SLC4A7: variants seen among roughly 807,000 people sequenced by gnomAD.
SLC4A7 encodes sodium bicarbonate cotransporter 3.
SLC4A7 carries 51 observed loss-of-function variants against 137.6 expected under a neutral mutation model. The ratio of observed to expected loss-of-function variants is 0.37; its 90% confidence interval spans 0.30 to 0.47. The LOEUF (loss-of-function observed/expected upper bound fraction) is 0.47, where lower values mean the gene tolerates loss of function less well. SLC4A7 is among the 20% of genes least tolerant of loss of function. The pLI is 1.00. For synonymous variants in SLC4A7, 542 were observed against 518.6 expected (o/e 1.05, Z -0.61); for missense variants, 1,247 against 1,525.4 (o/e 0.82, Z 3.04).
At chr3:27,428,997 G>T (rs969669221) in intron 7 of SLC4A7, among the ~76,000 whole-genome samples, 14 of 152,144 alleles carry the variant, frequency 9.2e-5, no homozygotes, top group African/African-American at 3.4e-4. Flanking sequence ...GCTGGGCATG[G>T]TGGCTCACAC....
At chr3:27,477,210 A>T (rs1194690932) in intron 1 of SLC4A7, among the ~76,000 whole-genome samples, 1 of 152,252 alleles carries the variant, frequency 6.6e-6, no homozygotes, top group African/African-American at 2.4e-5. Flanking sequence ...ACTGGGCAGG[A>T]GAAATGTCAT....
Position 27,402,285 on chromosome 3 carries a change from C to T in SLC4A7, c.2321+854G>A, listed in dbSNP as rs927248897. Among the ~76,000 whole-genome samples, 9 of 152,266 alleles carry T rather than the reference C, an allele frequency of 5.9e-5. No homozygotes were observed. The East Asian group carries it at 1.5e-3, about 26-fold the overall frequency. ...AATATACTTGCCAAACTTTTGTAACCACTACACATTCCTTTTCAAATCCTA... is the reference window on the plus strand; with the variant it reads ...AATATACTTGCCAAACTTTTGTAACTACTACACATTCCTTTTCAAATCCTA... On this transcript the variant is annotated intron_variant, in intron 15 of 25. Coordinates refer to ENST00000454389, the MANE Select transcript of SLC4A7 (RefSeq NM_001321103.2).
At chr3:27,455,848 C>A (rs2058374133) in intron 1 of SLC4A7, among the ~76,000 whole-genome samples, 1 of 151,776 alleles carries the variant, frequency 6.6e-6, no homozygotes, top group African/African-American at 2.4e-5. Context: ...CAGAACGAGA[C>A]CTTGTCTCAA....
At chr3:27,418,739 C>T in intron 10 of SLC4A7, 107 bp from the exon 11 acceptor site, 1 of 666,178 alleles carries the variant, frequency 1.5e-6, no homozygotes, top group South Asian at 2.1e-5. Flanking sequence ...AAGATAACCC[C>T]TAAACTCTTA....
chr3:27,390,477 G>A (rs573865072), intron 21 of SLC4A7, among the ~76,000 whole-genome samples: 2 of 152,180 alleles, frequency 1.3e-5, no homozygotes, highest in Admixed American at 6.5e-5. Flanking sequence ...TGACTTCTAA[G>A]GTTCTTCACA....
intron 11 of SLC4A7, among the ~76,000 whole-genome samples, chr3:27,416,635 T>C (rs2054411931): frequency 6.6e-6 from 1 of 152,170 alleles, no homozygotes; most frequent in South Asian, 2.1e-4. Flanking sequence ...TCCACATAAT[T>C]AGAACTGCAC....
chr3:27,373,862 T>C lies in SLC4A7; in HGVS notation c.*2902A>G, dbSNP rs1179421543. The C allele has an allele frequency of 1.3e-5, 2 of 152,606 alleles. No homozygotes were observed. Among genetic ancestry groups the C allele is most frequent in the African/African-American group, 4.8e-5 (2 of 41,472 alleles). 9.5% of individuals were successfully genotyped at this position (152,606 alleles called of 1,614,324 possible). A position where few individuals can be genotyped will look rare whatever the true frequency, so the allele number is the denominator to read the frequency against. ...CATTAGCACATAAAATATTTCGTCC[T>C]AGACATCTTTACAGAAGACTTGGCA... is the stretch of plus-strand genomic sequence containing the variant. On this transcript the variant is annotated 3_prime_UTR_variant, in exon 26 of 26. Coordinates refer to ENST00000454389, the MANE Select transcript of SLC4A7 (RefSeq NM_001321103.2).
rs921898964 is a variant in SLC4A7, at chr3:27,374,919, G to A, written c.*1845C>T. On this transcript the variant is annotated 3_prime_UTR_variant, in exon 26 of 26. Coordinates refer to ENST00000454389, the MANE Select transcript of SLC4A7 (RefSeq NM_001321103.2). ...ATAAAAAGGAATCATTACAATGGAA[G>A]CTCATAAACAATAATAAGCACCGTG... 1.3e-5 allele frequency: 2 copies of A among 152,372 alleles called. No individual in the cohort carries two copies. Among genetic ancestry groups the A allele is most frequent in the African/African-American group, 4.8e-5 (2 of 41,404 alleles). 9.4% of individuals were successfully genotyped at this position (152,372 alleles called of 1,614,324 possible).
chr3:27,400,181 C>A (rs1230138117), intron 16 of SLC4A7, among the ~76,000 whole-genome samples: 35 of 152,286 alleles, frequency 2.3e-4, no homozygotes. Context: ...GGACAATACT[C>A]CCCCAACAGA....
intron 22 of SLC4A7, among the ~76,000 whole-genome samples, chr3:27,386,945 T>C (rs1238837580): frequency 1.3e-5 from 2 of 152,188 alleles, no homozygotes; most frequent in African/African-American, 4.8e-5. Context: ...CAATACTAAA[T>C]TCTCCCATAC....
In SLC4A7 at chr3:27,386,034, T is replaced by C. The variant is rs1559628274; in HGVS notation, c.3361-11A>G. 21 of 1,586,344 alleles carry C rather than the reference T, an allele frequency of 1.3e-5. No individual in the cohort carries two copies. Among genetic ancestry groups the C allele is most frequent in the Non-Finnish European group, 1.8e-5 (21 of 1,169,640 alleles). The stretch of plus-strand genomic sequence containing the variant: ...CACTAATGCAAGAACCTTTAAAAAG[T>C]GGGGAAGGAAATATTAAGTAACACA... On this transcript the variant is annotated splice_polypyrimidine_tract_variant and intron_variant, in intron 22 of 25. Transcript: ENST00000454389.
intron 3 of SLC4A7, among the ~76,000 whole-genome samples, chr3:27,438,706 CATAAA>C (rs796282858): frequency 2.9e-4 from 44 of 150,784 alleles, no homozygotes; most frequent in African/African-American, 9.3e-4. Context: ...AATAACATAA[CATAAA>C]ATAAAATAAA....
intron 1 of SLC4A7, among the ~76,000 whole-genome samples, chr3:27,476,985 C>G (rs569073868): frequency 6.6e-5 from 10 of 152,178 alleles, no homozygotes; most frequent in Non-Finnish European, 1.2e-4. Flanking sequence ...CCCCAGCCAT[C>G]AGGGAATCTG....
intron 24 of SLC4A7, among the ~76,000 whole-genome samples, chr3:27,381,099 T>C (rs2050374784): frequency 6.6e-6 from 1 of 152,224 alleles, no homozygotes. Flanking sequence ...TATAAAATTC[T>C]GGCAAATAAG....
intron 1 of SLC4A7, among the ~76,000 whole-genome samples, chr3:27,469,465 T>C (rs564781411): frequency 1.3e-5 from 2 of 152,252 alleles, no homozygotes; most frequent in East Asian, 1.9e-4. Context: ...GTTTAATTAA[T>C]GTCCTGGAGC....
intron 11 of SLC4A7, among the ~76,000 whole-genome samples, chr3:27,413,082 C>CA (rs945981543): frequency 2.4e-4 from 37 of 151,772 alleles, no homozygotes; most frequent in African/African-American, 8.4e-4. Flanking sequence ...AATAACAAAA[C>CA]AAAAAAAGGA....
rs1338121895 is a variant in SLC4A7, at chr3:27,421,627, T to C, written c.1419A>G (p.Pro473=). Residue 473 remains proline (P), a synonymous_variant, in exon 9 of 26, where the codon CCA becomes CCG. Coordinates refer to ENST00000454389, the MANE Select transcript of SLC4A7 (RefSeq NM_001321103.2). ...ACTTGGAACTAACTCTTTACCTGGTTGGAACAGGGACCTCAGTCAACCCTG... is the reference window on the plus strand; with the variant it reads ...ACTTGGAACTAACTCTTTACCTGGTCGGAACAGGGACCTCAGTCAACCCTG... ...LLTGLTEVPV[P]TRFLFLLLGP... 1.9e-6 allele frequency: 3 copies of C among 1,610,254 alleles called. No individual in the cohort carries two copies.
chr3:27,443,032 CTTTT>C (rs1175482585), intron 3 of SLC4A7, among the ~76,000 whole-genome samples: 5 of 105,384 alleles, frequency 4.7e-5, no homozygotes, highest in African/African-American at 1.4e-4. Flanking sequence ...TTCTTTTTTT[CTTTT>C]TTTTTTTTTT....
intron 1 of SLC4A7, among the ~76,000 whole-genome samples, chr3:27,476,612 G>A (rs1262706130): frequency 6.7e-6 from 1 of 149,960 alleles, no homozygotes; most frequent in African/African-American, 2.4e-5. Context: ...AATCATGGGG[G>A]CAGATGTCCC....
Sources: gnomAD v4.1 joint callset for allele counts (sites outside exome capture counted in the v4.1 genomes callset) on GRCh38, gnomAD v4.1.1 for gene constraint, MANE v1.5 for transcripts, NCBI Gene and HGNC (gene_info 2026-07-23, HGNC 2026-07-21) for gene names.